The following PDE11A variants were observed in gnomAD, a reference collection of about 807,000 sequenced individuals.
PDE11A encodes the protein phosphodiesterase 11A.
A neutral mutation model predicts 100.5 loss-of-function variants in PDE11A; 100 were observed. The observed-to-expected ratio is 1.00, with a 90% confidence interval of 0.85 to 1.18. The LOEUF (loss-of-function observed/expected upper bound fraction) is 1.18. Among genes scored for constraint, PDE11A ranks in the 50% most tolerant of loss-of-function variants. PDE11A has a pLI of 0.00. For missense variants in PDE11A, 1,141 were observed against 1,152.6 expected (o/e 0.99, Z 0.15); for synonymous variants, 381 against 420.8 (o/e 0.91, Z 1.16).
intron 2 of PDE11A, among the ~76,000 whole-genome samples, chr2:177,948,974 A>T (rs960159337): frequency 6.6e-6 from 1 of 152,208 alleles, no homozygotes; most frequent in Non-Finnish European, 1.5e-5. Context: ...ATCTTTTTGC[A>T]TGGCATATGG....
In PDE11A at chr2:177,627,884, A is replaced by G. The variant is rs2079860459; in HGVS notation, c.*1523T>C. ...AAACAAAGAAACAAAAACAATAACA[A>G]GAAAAATGGTTTGTAAATTTCAGAT... On this transcript the variant is annotated 3_prime_UTR_variant, in exon 20 of 20. Transcript: ENST00000286063. The G allele has an allele frequency of 6.6e-6, 1 of 152,208 alleles. No homozygotes were observed. Among genetic ancestry groups the G allele is most frequent in the Non-Finnish European group, 1.5e-5 (1 of 68,046 alleles). 9.4% of individuals were successfully genotyped at this position (152,208 alleles called of 1,614,324 possible).
intron 6 of PDE11A, among the ~76,000 whole-genome samples, chr2:177,829,034 A>C (rs186216043): frequency 2.8e-4 from 42 of 152,196 alleles, no homozygotes; most frequent in African/African-American, 8.7e-4. Context: ...GAGTGGTAAG[A>C]AGTGGTCAGA....
chr2:177,917,563 C>T (rs187138561), intron 2 of PDE11A, among the ~76,000 whole-genome samples: 54 of 152,278 alleles, frequency 3.5e-4, no homozygotes, highest in Middle Eastern at 3.4e-3. Flanking sequence ...AAATACTAGT[C>T]TTTTTCAAAC....
rs117060463 is a variant in PDE11A at position 177,740,144 on chromosome 2, A to G, written c.1789-11972T>C. On this transcript the variant is annotated intron_variant, in intron 10 of 19. Coordinates refer to ENST00000286063, the MANE Select transcript of PDE11A (RefSeq NM_016953.4). ...GTTATTCCACACAGACAAACATTTG[A>G]ATTTTGCCTGGACTGTGTTGTTGGT... Among the ~76,000 whole-genome samples the G allele has an allele frequency of 3.2e-3, 482 of 152,300 alleles. 6 individuals carry two copies. The highest frequency in any genetic ancestry group is 0.021 in the Admixed American group (322 of 15,294).
chr2:177,912,032 G>A (rs2084888355), intron 2 of PDE11A, among the ~76,000 whole-genome samples: 2 of 152,114 alleles, frequency 1.3e-5, no homozygotes, highest in South Asian at 4.1e-4. Flanking sequence ...AAAAAAGAAG[G>A]AGAAGCTTTG....
intron 5 of PDE11A, among the ~76,000 whole-genome samples, chr2:177,868,977 C>T (rs905117214): frequency 2.0e-5 from 3 of 152,196 alleles, no homozygotes; most frequent in African/African-American, 7.2e-5. Context: ...AGTAAGACTC[C>T]TGGCCATCTT....
intron 19 of PDE11A, among the ~76,000 whole-genome samples, chr2:177,643,279 G>A (rs2080172802): frequency 6.6e-6 from 1 of 152,222 alleles, no homozygotes; most frequent in African/African-American, 2.4e-5. Flanking sequence ...AAGGCTTGTT[G>A]AGTGGCTCTG....
chr2:177,631,991 G>T (rs559712372), intron 19 of PDE11A, among the ~76,000 whole-genome samples: 1 of 152,206 alleles, frequency 6.6e-6, no homozygotes, highest in South Asian at 2.1e-4. Flanking sequence ...ACAGGAGGAA[G>T]GTAAGAATCC....
intron 7 of PDE11A, among the ~76,000 whole-genome samples, chr2:177,819,975 A>T (rs1485763094): frequency 6.6e-6 from 1 of 150,404 alleles, no homozygotes; most frequent in Non-Finnish European, 1.5e-5. Context: ...CTATTGGTTG[A>T]TAACTCAGAT....
chr2:177,683,656 C>T (rs2080899848), intron 15 of PDE11A, among the ~76,000 whole-genome samples: 1 of 152,176 alleles, frequency 6.6e-6, no homozygotes, highest in Non-Finnish European at 1.5e-5. Context: ...TTTGCTGAGT[C>T]TTTTTCCTTT....
At chr2:178,014,542 A>T in intron 1 of PDE11A, 82 bp from the exon 2 acceptor site, 1 of 1,060,520 alleles carries the variant, frequency 9.4e-7, no homozygotes. Context: ...TCTGCATATG[A>T]TACCTTATCA....
chr2:177,934,868 G>T (rs139688336), intron 2 of PDE11A, among the ~76,000 whole-genome samples: 1 of 152,168 alleles, frequency 6.6e-6, no homozygotes, highest in South Asian at 2.1e-4. Flanking sequence ...ATTATTCTAA[G>T]CAAATTAATG....
At chr2:177,701,304 A>G in intron 13 of PDE11A, 93 bp from the exon 14 acceptor site, 2 of 742,312 alleles carry the variant, frequency 2.7e-6, no homozygotes, top group Non-Finnish European at 5.0e-6. Flanking sequence ...CTTTTGGCAA[A>G]GGACCATGAG....
intron 10 of PDE11A, among the ~76,000 whole-genome samples, chr2:177,747,393 C>A (rs1395475328): frequency 6.6e-6 from 1 of 152,214 alleles, no homozygotes; most frequent in African/African-American, 2.4e-5. Flanking sequence ...TGGCTCTGAA[C>A]TCCCAGAAGC....
rs1197320472 is a variant in PDE11A, at chr2:177,707,135, G to A, written c.2153+4634C>T. 6.6e-5 allele frequency among the ~76,000 whole-genome samples: 10 copies of A among 152,142 alleles called. No homozygotes were observed. The East Asian group carries it at 1.7e-3, about 26-fold the overall frequency. The stretch of plus-strand genomic sequence containing the variant: ...AAAGAATGGCTTCTGAAAACAGACA[G>A]CCCTGGTCCAGGCTCCAGTCTACCA... On this transcript the variant is annotated intron_variant, in intron 13 of 19. Transcript: ENST00000286063.
chr2:177,793,052 G>T (rs2082654486), intron 9 of PDE11A, among the ~76,000 whole-genome samples: 1 of 152,180 alleles, frequency 6.6e-6, no homozygotes, highest in African/African-American at 2.4e-5. Context: ...CCAGCCAACG[G>T]GTAGGGGAAG....
At position 177,909,967 on chromosome 2, in the gene PDE11A, C is replaced by T. The variant is rs1193647078; in HGVS notation, c.1072-4780G>A. Among the ~76,000 whole-genome samples the T allele has an allele frequency of 2.0e-5, 3 of 152,270 alleles. No individual in the cohort carries two copies. In the East Asian group the frequency reaches 5.8e-4, roughly 29 times the overall value. Reference sequence around the variant, plus strand: ...ATCAAAATCTTGGTAGATTATCTGCCTTTGTCTCCGGTTTCTTTTAGGTCT... The same window carrying T: ...ATCAAAATCTTGGTAGATTATCTGCTTTTGTCTCCGGTTTCTTTTAGGTCT... On this transcript the variant is annotated intron_variant, in intron 2 of 19. Transcript: ENST00000286063.
At chr2:178,022,709 C>T (rs2086428238) in intron 1 of PDE11A, among the ~76,000 whole-genome samples, 1 of 152,050 alleles carries the variant, frequency 6.6e-6, no homozygotes, top group Non-Finnish European at 1.5e-5. Flanking sequence ...CTAACAAATG[C>T]CTCAAGGATT....
chr2:178,069,750 G>A (rs963300283), intron 1 of PDE11A, among the ~76,000 whole-genome samples: 5 of 152,194 alleles, frequency 3.3e-5, no homozygotes, highest in Non-Finnish European at 7.3e-5. Context: ...ATTCTAGACA[G>A]CAGCAAGACA....
Sources: gnomAD v4.1 joint callset for allele counts (sites outside exome capture counted in the v4.1 genomes callset) on GRCh38, gnomAD v4.1.1 for gene constraint, MANE v1.5 for transcripts, NCBI Gene and HGNC (gene_info 2026-07-23, HGNC 2026-07-21) for gene names.